Variants in SOX5 observed in about 807,000 individuals in gnomAD.
SOX5 encodes the protein transcription factor SOX-5.
Under a neutral mutation model 92.0 loss-of-function variants are expected in SOX5, and 9 were observed. The observed-to-expected ratio is 0.10, with a 90% CI of 0.06 to 0.17. The LOEUF (loss-of-function observed/expected upper bound fraction) is 0.17. SOX5 is among the 10% of genes least tolerant of loss of function. SOX5 has a pLI of 1.00. For missense variants in SOX5, 642 were observed against 944.5 expected (o/e 0.68, Z 4.20); for synonymous variants, 344 against 336.3 (o/e 1.02, Z -0.25).
intron 4 of SOX5, among the ~76,000 whole-genome samples, chr12:23,968,545 C>T (rs113139880): frequency 1.5e-4 from 23 of 152,178 alleles, no homozygotes; most frequent in African/African-American, 4.8e-4. Flanking sequence ...CCCCTACTCC[C>T]CACCCCATTC....
intron 1 of SOX5, among the ~76,000 whole-genome samples, chr12:24,438,492 T>A (rs978800634): frequency 6.6e-6 from 1 of 152,118 alleles, no homozygotes; most frequent in East Asian, 1.9e-4. Flanking sequence ...TAGTAATTTC[T>A]CCAGTGGAAC....
chr12:23,591,891 G>T (rs571345665), intron 9 of SOX5, among the ~76,000 whole-genome samples: 4 of 152,054 alleles, frequency 2.6e-5, no homozygotes, highest in Non-Finnish European at 4.4e-5. Context: ...CACAAGAGAA[G>T]AATTTTTGTA....
intron 3 of SOX5, among the ~76,000 whole-genome samples, chr12:23,807,737 T>TCC (rs1197363506): frequency 6.7e-6 from 1 of 150,296 alleles, no homozygotes; most frequent in African/African-American, 2.5e-5. Flanking sequence ...GCCTCCTGGG[T>TCC]TCAAGTGAAT....
chr12:23,560,155 C>A (rs781360710), intron 11 of SOX5, among the ~76,000 whole-genome samples: 1 of 152,118 alleles, frequency 6.6e-6, no homozygotes, highest in African/African-American at 2.4e-5. Flanking sequence ...GTGATCCCCC[C>A]GCCTCGGCCT....
At chr12:23,910,154 G>T (rs12813369) in intron 1 of SOX5, among the ~76,000 whole-genome samples, 2 of 152,014 alleles carry the variant, frequency 1.3e-5, no homozygotes, top group African/African-American at 4.8e-5. Context: ...TTATGCTAAG[G>T]ACTCTAGAAA....
chr12:24,366,173 A>G (rs1421156938), intron 2 of SOX5, among the ~76,000 whole-genome samples: 2 of 152,152 alleles, frequency 1.3e-5, no homozygotes, highest in Non-Finnish European at 2.9e-5. Context: ...ATTTTCATGT[A>G]TATGTCCCCA....
At chr12:23,534,933 C>T (rs1939988794) in intron 14 of SOX5, among the ~76,000 whole-genome samples, 1 of 152,054 alleles carries the variant, frequency 6.6e-6, no homozygotes, top group South Asian at 2.1e-4. Context: ...TGGTCTTGAA[C>T]TCCTGACCTC....
intron 4 of SOX5, among the ~76,000 whole-genome samples, chr12:24,061,037 C>T (rs1375524327): frequency 6.6e-6 from 1 of 152,050 alleles, no homozygotes; most frequent in African/African-American, 2.4e-5. Flanking sequence ...TATCACCTCA[C>T]AGAAACAATG....
chr12:24,287,292 T>C (rs1945991642), intron 2 of SOX5, among the ~76,000 whole-genome samples: 1 of 152,234 alleles, frequency 6.6e-6, no homozygotes, highest in African/African-American at 2.4e-5. Context: ...ATAAGTCAGA[T>C]ATGATTATTT....
intron 4 of SOX5, among the ~76,000 whole-genome samples, chr12:24,170,103 T>C (rs1204606313): frequency 2.0e-5 from 3 of 152,198 alleles, no homozygotes; most frequent in African/African-American, 7.2e-5. Context: ...CCCGCCGTTT[T>C]TCTCAGGGGC....
intron 12 of SOX5, among the ~76,000 whole-genome samples, chr12:23,544,711 T>C (rs1375728949): frequency 6.6e-6 from 1 of 152,242 alleles, no homozygotes; most frequent in African/African-American, 2.4e-5. Flanking sequence ...CAACAAAAAC[T>C]TTGATGTGTT....
chr12:24,351,865 T>C (rs1466068383), intron 2 of SOX5, among the ~76,000 whole-genome samples: 4 of 152,244 alleles, frequency 2.6e-5, no homozygotes, highest in African/African-American at 9.6e-5. Flanking sequence ...AAATTAACTA[T>C]CTTTGATTTC....
intron 10 of SOX5, among the ~76,000 whole-genome samples, chr12:23,569,984 T>G (rs1947864466): frequency 6.6e-6 from 1 of 152,222 alleles, no homozygotes; most frequent in African/African-American, 2.4e-5. Context: ...ACATTCTAAG[T>G]TGAAAGTATC....
chr12:24,147,941 G>A (rs1312200588), intron 4 of SOX5, among the ~76,000 whole-genome samples: 1 of 152,076 alleles, frequency 6.6e-6, no homozygotes, highest in East Asian at 1.9e-4. Flanking sequence ...TTGGTCAGAG[G>A]GCTTGATATT....
intron 1 of SOX5, among the ~76,000 whole-genome samples, chr12:24,561,293 T>C (rs550869503): frequency 6.6e-6 from 1 of 152,330 alleles, no homozygotes; most frequent in Admixed American, 6.5e-5. Context: ...TTAAAATGAA[T>C]TCACATTCAT....
intron 3 of SOX5, among the ~76,000 whole-genome samples, chr12:23,837,189 A>G (rs1004051796): frequency 7.3e-6 from 1 of 136,266 alleles, no homozygotes; most frequent in Non-Finnish European, 1.5e-5. Context: ...CCATATATAC[A>G]TGTGTATATA....
chr12:23,885,267 TA>T (rs2097051306), intron 2 of SOX5, among the ~76,000 whole-genome samples: 1 of 152,194 alleles, frequency 6.6e-6, no homozygotes, highest in South Asian at 2.1e-4. Context: ...ATACTAACAA[TA>T]GGTTTTGAAT....
In SOX5 at chr12:23,699,489, ATTTG is replaced by A. The variant is rs547241972; in HGVS notation, c.811-33929_811-33926del. On this transcript the variant is annotated intron_variant, in intron 6 of 14. Coordinates refer to ENST00000451604, the MANE Select transcript of SOX5 (RefSeq NM_006940.6). ...CTTTCCATTTAGTTATCTTTCAAAT[ATTTG>A]TTTATTTTTGAAAGTTTTTTATGTT... is the stretch of plus-strand genomic sequence containing the variant. Among the ~76,000 whole-genome samples the A allele has an allele frequency of 1.3e-3, 197 of 152,210 alleles. 1 individual carries two copies. The highest frequency in any genetic ancestry group is 2.3e-3 in the Non-Finnish European group (155 of 67,996).
intron 3 of SOX5, among the ~76,000 whole-genome samples, chr12:23,768,035 C>T (rs1246346100): frequency 6.6e-6 from 1 of 152,102 alleles, no homozygotes; most frequent in African/African-American, 2.4e-5. Context: ...CATACTATGC[C>T]ATGGATTCCA....
Sources: allele counts gnomAD v4.1 joint callset (sites outside exome capture counted in the v4.1 genomes callset), GRCh38; gene constraint gnomAD v4.1.1; transcripts MANE v1.5; gene names NCBI Gene and HGNC (gene_info 2026-07-23, HGNC 2026-07-21).